TEKT3: variants seen among roughly 807,000 people sequenced by gnomAD.
TEKT3 encodes tektin-3.
In TEKT3, 49 loss-of-function variants were observed where a neutral mutation model predicts 49.8. That is an observed-to-expected ratio of 0.98 (90% CI 0.78 to 1.25). The LOEUF is 1.25. Ranked by LOEUF, TEKT3 falls within the 50% of genes most tolerant of loss-of-function variation. The pLI, the probability that TEKT3 is intolerant of heterozygous loss-of-function variation, is 0.00. For missense variants in TEKT3, 595 were observed against 629.5 expected (o/e 0.95, Z 0.59); for synonymous variants, 225 against 237.2 (o/e 0.95, Z 0.47).
chr17:15,331,513 C>T lies in TEKT3; in HGVS notation c.73G>A (p.Ala25Thr). Residue 25 changes from alanine to threonine, a missense_variant, in exon 3 of 9, where the codon GCC becomes ACC. Ala to Thr is a moderately conservative substitution (Grantham distance 58). Transcript: ENST00000395930. The stretch of plus-strand genomic sequence containing the variant: ...TAGCTTGAGGCCATGGTACTGATGG[C>T]TGGTAGAAAGTTGGTTGGTGTTGGT... The part of the protein sequence containing the change: ...PRPTPTNFLP[A>T]ISTMASSYRD... 1 of 1,613,926 alleles carries T rather than the reference C, an allele frequency of 6.2e-7. No individual in the cohort carries two copies. The highest frequency in any genetic ancestry group is 8.5e-7 in the Non-Finnish European group (1 of 1,179,980).
chr17:15,334,468 C>T (rs534121570), intron 2 of TEKT3, among the ~76,000 whole-genome samples: 130 of 152,280 alleles, frequency 8.5e-4, no homozygotes, highest in Middle Eastern at 3.4e-3. Context: ...GTTATATAGG[C>T]ATCTTGAGAC....
chr17:15,325,148 G>C (rs1010926626), intron 4 of TEKT3, among the ~76,000 whole-genome samples: 6 of 152,160 alleles, frequency 3.9e-5, no homozygotes, highest in Non-Finnish European at 7.3e-5. Context: ...CTTACATATT[G>C]CAGCTTTATA....
At chr17:15,330,537 T>C (rs2150749807) in intron 3 of TEKT3, among the ~76,000 whole-genome samples, 1 of 152,312 alleles carries the variant, frequency 6.6e-6, no homozygotes, top group South Asian at 2.1e-4. Flanking sequence ...TCATTTAAGA[T>C]ACCTGCTCCT....
intron 1 of TEKT3, among the ~76,000 whole-genome samples, chr17:15,341,139 A>G (rs574942045): frequency 2.0e-5 from 3 of 152,300 alleles, no homozygotes; most frequent in South Asian, 4.1e-4. Context: ...ATTGAAGCAG[A>G]GGGGGACGAG....
chr17:15,318,975 G>C (rs892137943), intron 5 of TEKT3, 102 bp downstream of exon 5: 3 of 840,220 alleles, frequency 3.6e-6, no homozygotes, highest in Non-Finnish European at 5.6e-6. Flanking sequence ...GTATATGCCT[G>C]TGTGTGTGTC....
intron 2 of TEKT3, among the ~76,000 whole-genome samples, chr17:15,338,739 A>G (rs1180502503): frequency 7.4e-6 from 1 of 134,636 alleles, no homozygotes; most frequent in Non-Finnish European, 1.5e-5. Flanking sequence ...GATGGTCTCG[A>G]TCTCCTGAAC....
intron 7 of TEKT3, 39 bp downstream of exon 7, chr17:15,312,220 T>A: frequency 6.3e-7 from 1 of 1,596,470 alleles, no homozygotes; most frequent in African/African-American, 1.3e-5. Flanking sequence ...CACCGCTCTG[T>A]CCAGGTCAGC....
Position 15,331,395 on chromosome 17 carries a change from C to A in TEKT3, c.191G>T (p.Ser64Ile). 1 of 1,614,050 alleles carries A rather than the reference C, an allele frequency of 6.2e-7. No individual in the cohort carries two copies. The highest frequency in any genetic ancestry group is 1.1e-5 in the South Asian group (1 of 91,076). ...TGATCTGGTGCAGTACGGGGCCACG[C>A]TTGGGGAATTGGAGGCGACTTTGTA... ...TYYKVASNSP[S>I]VAPYCTRSQR... is the part of the protein sequence containing the mutation. Residue 64 changes from serine (S) to isoleucine (I), a missense_variant, in exon 3 of 9, where the codon AGC (serine) becomes ATC (isoleucine). By Grantham distance (142) the Ser-to-Ile change is moderately radical. Transcript: ENST00000395930.
chr17:15,309,009 T>C (rs1910658828), intron 7 of TEKT3, 191 bp from the exon 8 acceptor site: 2 of 646,714 alleles, frequency 3.1e-6, no homozygotes, highest in African/African-American at 1.8e-5. Context: ...GGAGCTGGCA[T>C]GCACCTGCTC....
intron 8 of TEKT3, among the ~76,000 whole-genome samples, chr17:15,305,771 G>A (rs1910516492): frequency 6.8e-6 from 1 of 148,048 alleles, no homozygotes; most frequent in South Asian, 2.1e-4. Context: ...AAATATACAT[G>A]TCAAAACATC....
intron 4 of TEKT3, among the ~76,000 whole-genome samples, chr17:15,320,195 C>T (rs1194245652): frequency 6.6e-6 from 1 of 152,176 alleles, no homozygotes; most frequent in Non-Finnish European, 1.5e-5. Flanking sequence ...CACCACCCCA[C>T]CAAAAGCAGC....
chr17:15,329,290 A>G (rs575836709), intron 3 of TEKT3, among the ~76,000 whole-genome samples: 12 of 152,306 alleles, frequency 7.9e-5, no homozygotes, highest in Non-Finnish European at 1.5e-4. Context: ...ATGTGACTCA[A>G]TTTAAAAAGG....
At position 15,308,664 on chromosome 17, in the gene TEKT3, C is replaced by A. The variant is rs772511816; in HGVS notation, c.1256G>T (p.Arg419Leu). ...CCCGAGCCTTCCCCTCCCACCTTAC[C>A]GTAGCTGAGCCATGTCTCGGCACAA... ...IELCRDMAQL[R>L]LVNEVHEVDD... The change falls in exon 8 of 9, where the codon CGC becomes CTC. Residue 419 changes from arginine (R) to leucine (L), a missense_variant and splice_region_variant. Transcript: ENST00000395930. The A allele has an allele frequency of 5.6e-6, 9 of 1,604,532 alleles. No individual in the cohort carries two copies. In the Admixed American group the frequency reaches 1.5e-4, roughly 27 times the overall value.
intron 5 of TEKT3, 50 bp downstream of exon 5, chr17:15,319,027 G>A: frequency 6.9e-7 from 1 of 1,439,596 alleles, no homozygotes; most frequent in Non-Finnish European, 9.6e-7. Flanking sequence ...GAGCATGAAA[G>A]TATAGTTCAA....
intron 7 of TEKT3, among the ~76,000 whole-genome samples, chr17:15,309,981 C>A (rs1279981649): frequency 6.6e-6 from 1 of 152,188 alleles, no homozygotes; most frequent in Non-Finnish European, 1.5e-5. Context: ...ACTACAGAGA[C>A]CTCGTGCAAT....
intron 6 of TEKT3, 99 bp downstream of exon 6, chr17:15,313,988 T>TTAC (rs1910882196): frequency 6.5e-7 from 1 of 1,549,636 alleles, no homozygotes; most frequent in Non-Finnish European, 8.8e-7. Flanking sequence ...TTCAGATATC[T>TTAC]TACCTTGCTT....
intron 2 of TEKT3, among the ~76,000 whole-genome samples, chr17:15,333,117 A>C (rs946015820): frequency 2.0e-5 from 3 of 151,968 alleles, no homozygotes; most frequent in African/African-American, 4.8e-5. Flanking sequence ...CCATTGTCTG[A>C]AACTTTTGGT....
intron 5 of TEKT3, among the ~76,000 whole-genome samples, chr17:15,316,721 T>A (rs1038712944): frequency 6.6e-6 from 1 of 152,210 alleles, no homozygotes; most frequent in African/African-American, 2.4e-5. Flanking sequence ...AGAGGAAAGT[T>A]ATAAACTAAT....
In TEKT3 at chr17:15,316,017, C is replaced by A. The variant is rs79703961; in HGVS notation, c.735-1787G>T. Among the ~76,000 whole-genome samples the A allele has an allele frequency of 2.5e-4, 38 of 152,324 alleles. No homozygotes were observed. In the East Asian group the frequency reaches 6.7e-3, roughly 27 times the overall value. Reference sequence around the variant, plus strand: ...TTGACCTCTCAAAGCTGTTTTTCTTCTTTGTAAAGTGTAAATGAGAGTAGC... The same window carrying A: ...TTGACCTCTCAAAGCTGTTTTTCTTATTTGTAAAGTGTAAATGAGAGTAGC... On this transcript the variant is annotated intron_variant, in intron 5 of 8. Transcript: ENST00000395930.
Sources: gnomAD v4.1 joint callset for allele counts (sites outside exome capture counted in the v4.1 genomes callset) on GRCh38, gnomAD v4.1.1 for gene constraint, MANE v1.5 for transcripts, NCBI Gene and HGNC (gene_info 2026-07-23, HGNC 2026-07-21) for gene names.